ZNF516: variants seen among roughly 807,000 people sequenced by gnomAD.
The protein encoded by ZNF516 is zinc finger protein 516.
Under a neutral mutation model 79.7 loss-of-function variants are expected in ZNF516, and 19 were observed. The observed-to-expected ratio is 0.24, with a 90% CI of 0.17 to 0.35. The LOEUF is 0.35. ZNF516 is among the 10% of genes least tolerant of loss of function. ZNF516 has a pLI of 1.00. For missense variants in ZNF516, 1,678 were observed against 1,679.5 expected (o/e 1.00, Z 0.02); for synonymous variants, 877 against 739.5 (o/e 1.19, Z -3.02).
chr18:76,359,734 G>A lies in ZNF516; in HGVS notation c.*2764C>T, dbSNP rs2074503647. On this transcript the variant is annotated 3_prime_UTR_variant, in exon 7 of 7. Coordinates refer to ENST00000443185, the MANE Select transcript of ZNF516 (RefSeq NM_014643.4). ...GCAACACTGTAAAAAATCCTGTTAA[G>A]AAACAAGGAAACAGCAGATCGGGAG... The A allele has an allele frequency of 6.6e-6, 1 of 151,792 alleles. No individual in the cohort carries two copies. The highest frequency in any genetic ancestry group is 6.6e-5 in the Admixed American group (1 of 15,252). 9.4% of individuals were successfully genotyped at this position (151,792 alleles called of 1,614,324 possible). A position where few individuals can be genotyped will look rare whatever the true frequency, so the allele number is the denominator to read the frequency against.
At chr18:76,495,902 G>C (rs987151209), upstream of ZNF516, 1 of 396,270 alleles carries the variant, frequency 2.5e-6, no homozygotes, top group Non-Finnish European at 4.0e-6. Flanking sequence ...AAGGGTCACA[G>C]AGGTCCCGCT....
chr18:76,440,730 GTGTGTGTGTGTT>G (rs750315437), intron 3 of ZNF516, among the ~76,000 whole-genome samples: 68 of 92,784 alleles, frequency 7.3e-4, no homozygotes, highest in Middle Eastern at 4.7e-3. Context: ...AGGAAAGTGT[GTGTGTGTGTGTT>G]TGTGTGTGTG....
chr18:76,433,604 A>T (rs561580232), intron 3 of ZNF516, among the ~76,000 whole-genome samples: 1 of 152,320 alleles, frequency 6.6e-6, no homozygotes, highest in African/African-American at 2.4e-5. Context: ...TCCGGGTCAC[A>T]GCAAGGTGGA....
At position 76,467,654 on chromosome 18, in the gene ZNF516, C is replaced by T. The variant is rs1460946265; in HGVS notation, c.-271-4513G>A. 6.6e-6 allele frequency among the ~76,000 whole-genome samples: 1 copy of T among 152,198 alleles called. No homozygotes were observed. Among genetic ancestry groups the T allele is most frequent in the Admixed American group, 6.5e-5 (1 of 15,280 alleles). On this transcript the variant is annotated intron_variant, in intron 1 of 6. Coordinates refer to ENST00000443185, the MANE Select transcript of ZNF516 (RefSeq NM_014643.4). The surrounding 1 kb of genome is among the most constrained non-coding windows in gnomAD (Gnocchi z 4.2). ...CTAACTGGGATCTTGAGAAAGACAA[C>T]AGCCCCAGCCCACTCAAAGGCTACA... is the stretch of plus-strand genomic sequence containing the variant.
Position 76,380,370 on chromosome 18 carries a change from G to A in ZNF516, c.1811-67C>T. The A allele has an allele frequency of 2.6e-6, 4 of 1,557,764 alleles. No individual in the cohort carries two copies. In the Admixed American group the frequency reaches 5.2e-5, roughly 20 times the overall value. The stretch of plus-strand genomic sequence containing the variant: ...ATCAGAACACAGCAAGACACACGGT[G>A]CGTACAGCTACAGCATGTTCCAAGC... On this transcript the variant is annotated intron_variant, in intron 3 of 6. Coordinates refer to ENST00000443185, the MANE Select transcript of ZNF516 (RefSeq NM_014643.4).
intron 3 of ZNF516, among the ~76,000 whole-genome samples, chr18:76,415,250 G>T (rs1007911774): frequency 6.6e-5 from 10 of 152,194 alleles, no homozygotes; most frequent in African/African-American, 2.4e-4. Flanking sequence ...GAAAATAGTA[G>T]TTTAGAGCTA....
At chr18:76,455,855 C>T (rs530672614) in intron 2 of ZNF516, among the ~76,000 whole-genome samples, 25 of 152,146 alleles carry the variant, frequency 1.6e-4, no homozygotes, top group Non-Finnish European at 2.8e-4. Flanking sequence ...GCTTGCCCAC[C>T]GAACCAAGGT....
At chr18:76,421,688 C>T (rs551232714) in intron 3 of ZNF516, among the ~76,000 whole-genome samples, 1 of 152,318 alleles carries the variant, frequency 6.6e-6, no homozygotes, top group African/African-American at 2.4e-5. Flanking sequence ...CAAAATAAAC[C>T]TCATGTTTCA....
At chr18:76,488,273 T>C (rs2406196) in intron 1 of ZNF516, 540,812 of 982,690 alleles carry the variant, frequency 0.55, 149,389 homozygotes, top group East Asian at 0.62. Context: ...TAAAATTAGT[T>C]CTTCACGTTT....
At chr18:76,368,608 C>T (rs1289758624) in intron 6 of ZNF516, among the ~76,000 whole-genome samples, 1 of 151,986 alleles carries the variant, frequency 6.6e-6, no homozygotes, top group Non-Finnish European at 1.5e-5. Context: ...TATTGAGTTA[C>T]TGTAAACTTG....
chr18:76,442,309 G>C lies in ZNF516; in HGVS notation c.746C>G (p.Pro249Arg). 1.2e-6 allele frequency: 2 copies of C among 1,612,158 alleles called. No homozygotes were observed. The highest frequency in any genetic ancestry group is 8.5e-7 in the Non-Finnish European group (1 of 1,179,456). ...GKPELSPGEF[P>R]CEVCGQAFSQ... ...GAAGGCCTGGCCACACACCTCGCAC[G>C]GGAACTCCCCGGGGCTCAGCTCGGG... is the stretch of plus-strand genomic sequence containing the variant. The change falls in exon 3 of 7, where the codon CCG (proline) becomes CGG (arginine). Residue 249 changes from proline (P) to arginine (R), a missense_variant. Pro to Arg is a moderately radical substitution (Grantham distance 103). This residue lies in a region of ZNF516 where 279 missense variants were observed against 254.1 expected (regional missense o/e 1.10). Coordinates refer to ENST00000443185, the MANE Select transcript of ZNF516 (RefSeq NM_014643.4).
intron 3 of ZNF516, among the ~76,000 whole-genome samples, chr18:76,416,492 T>C (rs1367462891): frequency 2.6e-5 from 4 of 152,264 alleles, no homozygotes; most frequent in Non-Finnish European, 5.9e-5. Context: ...TTGGGGATTT[T>C]AGTCAAATAT....
chr18:76,368,057 TA>T (rs1451886053), intron 6 of ZNF516, among the ~76,000 whole-genome samples: 1 of 152,152 alleles, frequency 6.6e-6, no homozygotes, highest in African/African-American at 2.4e-5. Context: ...CAAAGCACGC[TA>T]AACATGAAAA....
intron 1 of ZNF516, chr18:76,491,155 T>G: frequency 1.6e-5 from 15 of 914,668 alleles, no homozygotes; most frequent in Non-Finnish European, 1.8e-5. Context: ...AGAAACCAAT[T>G]ACCTGGGCTC....
rs773155669 is a variant in ZNF516 at position 76,379,786 on chromosome 18, C to G, written c.2328G>C (p.Trp776Cys). 2 of 1,613,854 alleles carry G rather than the reference C, an allele frequency of 1.2e-6. No homozygotes were observed. The highest frequency in any genetic ancestry group is 2.2e-5 in the South Asian group (2 of 91,080). ...SHKTYYPEVL[W>C]MHKRIWHRVS... is the part of the protein sequence containing the mutation. ...CGCGGTGCCAGATGCGTTTGTGCATCCACAGGACCTCGGGGTAGTAGGTCT... is the reference window on the plus strand; with the variant it reads ...CGCGGTGCCAGATGCGTTTGTGCATGCACAGGACCTCGGGGTAGTAGGTCT... The change falls in exon 4 of 7, where the codon TGG becomes TGC. Residue 776 changes from tryptophan to cysteine, a missense_variant. Coordinates refer to ENST00000443185, the MANE Select transcript of ZNF516 (RefSeq NM_014643.4).
chr18:76,460,764 G>C (rs763774548), intron 2 of ZNF516, among the ~76,000 whole-genome samples: 7 of 152,192 alleles, frequency 4.6e-5, no homozygotes, highest in Non-Finnish European at 1.0e-4. Context: ...CTTGCAAAAA[G>C]CTACAGTGAA....
chr18:76,483,310 T>A (rs1245565374), intron 1 of ZNF516, among the ~76,000 whole-genome samples: 1 of 152,090 alleles, frequency 6.6e-6, no homozygotes, highest in Non-Finnish European at 1.5e-5. Flanking sequence ...ATGCACACTT[T>A]CCTGGGTTCA....
intron 3 of ZNF516, among the ~76,000 whole-genome samples, chr18:76,413,008 C>G (rs1260966143): frequency 6.6e-6 from 1 of 152,232 alleles, no homozygotes; most frequent in African/African-American, 2.4e-5. Context: ...CCCACTTCTC[C>G]TTAGACATGA....
At chr18:76,423,672 AAACATAC>A (rs2075541569) in intron 3 of ZNF516, among the ~76,000 whole-genome samples, 1 of 106,600 alleles carries the variant, frequency 9.4e-6, no homozygotes, top group Admixed American at 9.9e-5. Flanking sequence ...CTCCCTCCTG[AAACATAC>A]ACACGCAGGT....
Sources: gnomAD v4.1 joint callset for allele counts (sites outside exome capture counted in the v4.1 genomes callset) on GRCh38, gnomAD v4.1.1 for gene constraint, gnomAD v4.1.1 regional missense constraint, Gnocchi (gnomAD v3.1) non-coding constraint, MANE v1.5 for transcripts, NCBI Gene and HGNC (gene_info 2026-07-23, HGNC 2026-07-21) for gene names.